Variants in VRTN observed in about 807,000 individuals in gnomAD.
VRTN encodes the protein vertebrae development associated.
In VRTN, 5 loss-of-function variants were observed where a neutral mutation model predicts 18.2. The ratio of observed to expected loss-of-function variants is 0.27; its 90% CI spans 0.14 to 0.58. VRTN has a LOEUF of 0.58. Among genes scored for constraint, VRTN ranks in the 20% least tolerant of loss-of-function variants. The probability of loss-of-function intolerance (pLI) is 0.91; values close to 1 mark genes in which losing one functional copy is unlikely to be tolerated. For synonymous variants in VRTN, 381 were observed against 393.7 expected, an observed-to-expected ratio of 0.97 and a Z score of 0.38; for missense variants, 741 against 939.4, an observed-to-expected ratio of 0.79 and a Z score of 2.76.
chr14:74,335,556 G>A (rs2085558196), intron 1 of VRTN, among the ~76,000 whole-genome samples: 1 of 151,932 alleles, frequency 6.6e-6, no homozygotes, highest in Non-Finnish European at 1.5e-5. Flanking sequence ...TCACAGGCCT[G>A]TAATGAACCT....
At chr14:74,343,380 C>G (rs2085621217) in intron 2 of VRTN, among the ~76,000 whole-genome samples, 1 of 152,178 alleles carries the variant, frequency 6.6e-6, no homozygotes, top group Non-Finnish European at 1.5e-5. Context: ...TCCGCCTCAG[C>G]CTCCCAAAGG....
rs35884901 is a variant in VRTN, at chr14:74,320,563, CTTTTTTTTTTTTTTTTTTTTTTTTTTT to C, written c.-163-17145_-163-17119del. On this transcript the variant is annotated intron_variant, in intron 1 of 2. Transcript: ENST00000557177. ...AGACTTGAGCCACTGCGCCCGGCCTCTTTTTTTTTTTTTTTTTTTTTTTTTTTTTTTTTTTTTTTTTGAGACGGAGTC... is the reference window on the plus strand; with the variant it reads ...AGACTTGAGCCACTGCGCCCGGCCTCTTTTTTTTTTTTTTGAGACGGAGTC... Among the ~76,000 whole-genome samples the C allele has an allele frequency of 1.1e-3, 51 of 45,026 alleles. 1 individual carries two copies. The highest frequency in any genetic ancestry group is 3.5e-3 in the African/African-American group (48 of 13,642). The allele number at this position is 45,026 out of a possible 152,430, so 29.5% of individuals were successfully genotyped here. A position where few individuals can be genotyped will look rare whatever the true frequency, so the allele number is the denominator to read the frequency against.
chr14:74,313,524 C>T (rs1331225091), intron 1 of VRTN, among the ~76,000 whole-genome samples: 1 of 152,172 alleles, frequency 6.6e-6, no homozygotes, highest in Non-Finnish European at 1.5e-5. Flanking sequence ...ACGGTGACAT[C>T]TTCCCCAAGT....
chr14:74,321,582 T>G (rs1284218834), intron 1 of VRTN, among the ~76,000 whole-genome samples: 1 of 148,928 alleles, frequency 6.7e-6, no homozygotes, highest in African/African-American at 2.5e-5. Flanking sequence ...CTCGGCTCAC[T>G]GCAACCTCCA....
chr14:74,310,022 C>T (rs1197133893), intron 1 of VRTN, among the ~76,000 whole-genome samples: 1 of 152,100 alleles, frequency 6.6e-6, no homozygotes, highest in East Asian at 1.9e-4. Context: ...ATCCTAGAAG[C>T]AACCAGAATG....
chr14:74,330,441 CTTTT>C (rs34686412), intron 1 of VRTN, among the ~76,000 whole-genome samples: 1 of 138,010 alleles, frequency 7.2e-6, no homozygotes, highest in Admixed American at 7.4e-5. Flanking sequence ...CAGTATCAAA[CTTTT>C]TTTTTTTTTT....
upstream of VRTN, among the ~76,000 whole-genome samples, chr14:74,343,616 A>C (rs2085622976): frequency 6.6e-6 from 1 of 152,242 alleles, no homozygotes; most frequent in African/African-American, 2.4e-5. Context: ...GACTGGATCC[A>C]TAAATCACGC....
chr14:74,308,607 C>A, intron 1 of VRTN, among the ~76,000 whole-genome samples: 1 of 151,670 alleles, frequency 6.6e-6, no homozygotes, highest in Non-Finnish European at 1.5e-5. Context: ...CTCTGCCTCC[C>A]GGGTTCAAGC....
rs34039218 is a variant in VRTN at position 74,358,265 on chromosome 14, C to CG, written c.1486dup (p.Glu496GlyfsTer78). ...CCACAGGTGAGGACCCTCCCGCCCC[C>CG]GGGGAGCTCCTGCCACTAAGGATGC... On this transcript the variant is annotated frameshift_variant, in exon 2 of 2. Coordinates refer to ENST00000256362, the MANE Select transcript of VRTN (RefSeq NM_018228.3). LOFTEE classifies it low-confidence loss of function (END_TRUNC). The surrounding 1 kb of genome is among the most constrained non-coding windows in gnomAD (Gnocchi z 5.4). 6.2e-7 allele frequency: 1 copy of CG among 1,610,504 alleles called. No individual in the cohort carries two copies. The highest frequency in any genetic ancestry group is 8.5e-7 in the Non-Finnish European group (1 of 1,178,058).
intron 1 of VRTN, among the ~76,000 whole-genome samples, chr14:74,355,485 T>G (rs1202744666): frequency 6.6e-6 from 1 of 152,062 alleles, no homozygotes; most frequent in Non-Finnish European, 1.5e-5. Context: ...GAAAACGACA[T>G]GTACTTAAGG....
chr14:74,352,165 A>T (rs1023466777), intron 1 of VRTN, among the ~76,000 whole-genome samples: 4 of 143,754 alleles, frequency 2.8e-5, no homozygotes, highest in Non-Finnish European at 4.5e-5. Flanking sequence ...AGTACTTTTA[A>T]TTTTTTTTAT....
intron 1 of VRTN, among the ~76,000 whole-genome samples, chr14:74,337,028 T>A (rs75065777): frequency 4.1e-3 from 629 of 152,294 alleles, no homozygotes; most frequent in African/African-American, 0.015. Flanking sequence ...AGAATGTATT[T>A]TTGTATCTGT....
intron 1 of VRTN, among the ~76,000 whole-genome samples, chr14:74,335,056 T>A (rs1345889325): frequency 6.6e-6 from 1 of 152,012 alleles, no homozygotes; most frequent in South Asian, 2.1e-4. Flanking sequence ...CCGAGGCAGG[T>A]GGATCACTTG....
At chr14:74,311,689 G>A (rs2085389801) in intron 1 of VRTN, among the ~76,000 whole-genome samples, 2 of 148,390 alleles carry the variant, frequency 1.3e-5, no homozygotes, top group African/African-American at 2.5e-5. Context: ...GGATTATAGG[G>A]GTGAGCCACC....
At chr14:74,355,315 C>A (rs1332492434) in intron 1 of VRTN, among the ~76,000 whole-genome samples, 9 of 152,144 alleles carry the variant, frequency 5.9e-5, no homozygotes, top group Admixed American at 2.0e-4. Flanking sequence ...TCTGAATGAC[C>A]AGTGTCTATT....
chr14:74,331,035 T>C (rs2085518883), intron 1 of VRTN, among the ~76,000 whole-genome samples: 1 of 149,594 alleles, frequency 6.7e-6, no homozygotes, highest in Admixed American at 6.7e-5. Context: ...CCGTCTCTAC[T>C]AAAAAAAATA....
intron 1 of VRTN, among the ~76,000 whole-genome samples, chr14:74,336,467 AT>A (rs2085565191): frequency 6.6e-6 from 1 of 152,054 alleles, no homozygotes; most frequent in Admixed American, 6.6e-5. Flanking sequence ...AGTTTGCTCC[AT>A]TTATAGTCTC....
chr14:74,327,938 C>T (rs1235260882), intron 1 of VRTN, among the ~76,000 whole-genome samples: 3 of 152,030 alleles, frequency 2.0e-5, no homozygotes, highest in South Asian at 2.1e-4. Context: ...CCGGGCTGGT[C>T]GCGAACCCCT....
At position 74,305,174 on chromosome 14, in the gene VRTN, G is replaced by A. The variant is rs143460550; in HGVS notation, c.-164+1998G>A. 8.1e-3 allele frequency among the ~76,000 whole-genome samples: 1,239 copies of A among 152,046 alleles called. 10 individuals are homozygous for A. Among genetic ancestry groups the A allele is most frequent in the African/African-American group, 0.028 (1,176 of 41,500 alleles). ...TGACAAAATCCCGTCTTTACTAAAA[G>A]TACAAAAATTAGCCAGGTGTGGTGG... On this transcript the variant is annotated intron_variant, in intron 1 of 2. Coordinates refer to the VRTN transcript ENST00000557177.
Sources: allele counts gnomAD v4.1 joint callset (sites outside exome capture counted in the v4.1 genomes callset), GRCh38; gene constraint gnomAD v4.1.1; non-coding constraint Gnocchi (gnomAD v3.1); transcripts MANE v1.5; gene names NCBI Gene and HGNC (gene_info 2026-07-23, HGNC 2026-07-21).